Variants in PKNOX1 observed in about 807,000 individuals in gnomAD.
The protein encoded by PKNOX1 is PBX/knotted 1 homeobox 1, also known as homeobox protein PKNOX1.
PKNOX1 carries 15 observed loss-of-function variants against 51.9 expected under a neutral mutation model. The observed-to-expected ratio is 0.29, with a 90% CI of 0.19 to 0.45. The LOEUF is 0.45. Ranked by LOEUF, PKNOX1 falls within the 20% of genes least tolerant of loss-of-function variation. The pLI is 1.00. For missense variants in PKNOX1, 462 were observed against 547.5 expected (o/e 0.84, Z 1.56); for synonymous variants, 219 against 211.1 (o/e 1.04, Z -0.32).
At chr21:42,987,404 A>AAAAAAAAAAATATATATATATATAT in intron 1 of PKNOX1, among the ~76,000 whole-genome samples, 1 of 41,408 alleles carries the variant, frequency 2.4e-5, no homozygotes, top group Non-Finnish European at 4.8e-5. Context: ...AAAAAAAAAA[A>AAAAAAAAAAATATATATATATATAT]ATATATATAT....
intron 1 of PKNOX1, among the ~76,000 whole-genome samples, chr21:42,993,649 TGTTTTTTTTG>T (rs1471413925): frequency 9.1e-5 from 2 of 22,038 alleles, no homozygotes; most frequent in Admixed American, 3.1e-4. Context: ...TTACCCACTT[TGTTTTTTTTG>T]TTTTTTTTTT....
At chr21:42,999,913 C>T (rs1156338485) in intron 1 of PKNOX1, among the ~76,000 whole-genome samples, 1 of 152,134 alleles carries the variant, frequency 6.6e-6, no homozygotes, top group Non-Finnish European at 1.5e-5. Flanking sequence ...AAATTTCTTC[C>T]ACCAGATACC....
chr21:42,992,698 C>A (rs912636491), intron 1 of PKNOX1, among the ~76,000 whole-genome samples: 3 of 151,900 alleles, frequency 2.0e-5, no homozygotes, highest in African/African-American at 7.3e-5. Flanking sequence ...GGCTTCTTCA[C>A]AGATTAGAGG....
At chr21:42,975,419 T>G (rs1276348623) in intron 1 of PKNOX1, among the ~76,000 whole-genome samples, 1 of 151,904 alleles carries the variant, frequency 6.6e-6, no homozygotes, top group African/African-American at 2.4e-5. Context: ...TCCCGGGAAT[T>G]GGTGGGAAGA....
At chr21:43,016,815 T>A in intron 5 of PKNOX1, 93 bp from the exon 6 acceptor site, 1 of 745,072 alleles carries the variant, frequency 1.3e-6, no homozygotes, top group Non-Finnish European at 2.1e-6. Context: ...CTTTCCTTTT[T>A]TAATGGTGTC....
intron 3 of PKNOX1, 68 bp downstream of exon 3, chr21:43,007,686 G>A (rs553815712): frequency 2.6e-6 from 4 of 1,553,324 alleles, no homozygotes; most frequent in African/African-American, 1.4e-5. Flanking sequence ...TTGTTAAAAG[G>A]AACACCAGAA....
At chr21:43,004,705 T>C (rs1414620247) in intron 2 of PKNOX1, among the ~76,000 whole-genome samples, 2 of 152,242 alleles carry the variant, frequency 1.3e-5, no homozygotes, top group African/African-American at 2.4e-5. Context: ...TAATTAGCAC[T>C]GTTACTTTGA....
At chr21:43,020,818 C>T (rs766531157) in intron 7 of PKNOX1, among the ~76,000 whole-genome samples, 3 of 152,230 alleles carry the variant, frequency 2.0e-5, no homozygotes, top group Non-Finnish European at 4.4e-5. Context: ...GAGAGGACCA[C>T]GGCATTCCTG....
chr21:43,028,257 C>T (rs1332649687), intron 9 of PKNOX1, among the ~76,000 whole-genome samples: 2 of 152,186 alleles, frequency 1.3e-5, no homozygotes, highest in East Asian at 1.9e-4. Context: ...GGCTCGGCCC[C>T]GTTGGTGATC....
In PKNOX1 at chr21:43,033,405, A is replaced by G. The variant is rs538273860; in HGVS notation, c.*3304A>G. The G allele has an allele frequency of 6.6e-6, 1 of 152,210 alleles. No homozygotes were observed. The highest frequency in any genetic ancestry group is 6.6e-5 in the Admixed American group (1 of 15,216). 9.4% of individuals were successfully genotyped at this position (152,210 alleles called of 1,614,324 possible). The stretch of plus-strand genomic sequence containing the variant: ...TTGTGAAGGCCCATTCCTGGCACTT[A>G]GAGACAGAAAGAACTCAGCAATCTT... On this transcript the variant is annotated 3_prime_UTR_variant, in exon 11 of 11. Transcript: ENST00000291547.
At chr21:43,007,867 C>T (rs1979066783) in intron 3 of PKNOX1, among the ~76,000 whole-genome samples, 1 of 151,874 alleles carries the variant, frequency 6.6e-6, no homozygotes, top group African/African-American at 2.4e-5. Context: ...AGTTTGAGAC[C>T]AGCCTGGCCA....
rs575940895 is a variant in PKNOX1, at chr21:42,993,310, G to A, written c.-56-11016G>A. On this transcript the variant is annotated intron_variant, in intron 1 of 10. Coordinates refer to ENST00000291547, the MANE Select transcript of PKNOX1 (RefSeq NM_004571.5). ...CAAAACGCTGACTGAACGAATGTCC[G>A]TCTCGCCTCCACAGGGCCTACATCA... Among the ~76,000 whole-genome samples the A allele has an allele frequency of 7.9e-5, 12 of 152,160 alleles. No homozygotes were observed. The South Asian group carries it at 1.0e-3, about 13-fold the overall frequency.
At chr21:43,005,976 G>A (rs1978971367) in intron 2 of PKNOX1, among the ~76,000 whole-genome samples, 1 of 152,112 alleles carries the variant, frequency 6.6e-6, no homozygotes, top group African/African-American at 2.4e-5. Flanking sequence ...AATAAACATT[G>A]AAATATATCT....
chr21:43,008,857 A>G (rs1253896499), intron 3 of PKNOX1, among the ~76,000 whole-genome samples: 1 of 152,192 alleles, frequency 6.6e-6, no homozygotes, highest in Non-Finnish European at 1.5e-5. Flanking sequence ...GCATATGTAT[A>G]CCTAACACAA....
In PKNOX1 at chr21:42,977,679, C is replaced by T. The variant is rs7509946; in HGVS notation, c.-57+3015C>T. Among the ~76,000 whole-genome samples the T allele has an allele frequency of 5.0e-3, 748 of 150,836 alleles. 4 individuals carry two copies. The highest frequency in any genetic ancestry group is 0.017 in the African/African-American group (709 of 41,098). On this transcript the variant is annotated intron_variant, in intron 1 of 10. Transcript: ENST00000291547. ...TCTCCTGCCTCAGCCTCCGTAGTAG[C>T]TGGGAGTACAGGCAGCTGCCACCAC...
intron 1 of PKNOX1, among the ~76,000 whole-genome samples, chr21:42,975,287 T>G (rs1601258865): frequency 6.8e-6 from 1 of 146,084 alleles, no homozygotes; most frequent in Non-Finnish European, 1.5e-5. Flanking sequence ...TGGGTCGGGG[T>G]CCTGGGGGCG....
At chr21:42,984,333 A>C (rs1011359938) in intron 1 of PKNOX1, among the ~76,000 whole-genome samples, 1 of 152,180 alleles carries the variant, frequency 6.6e-6, no homozygotes, top group African/African-American at 2.4e-5. Context: ...TATAATCCAC[A>C]CATTTCTCGT....
At chr21:42,995,050 T>C (rs1298451065) in intron 1 of PKNOX1, among the ~76,000 whole-genome samples, 2 of 151,812 alleles carry the variant, frequency 1.3e-5, no homozygotes. Flanking sequence ...GCCTCCCCAG[T>C]AGCTGGGATT....
intron 7 of PKNOX1, among the ~76,000 whole-genome samples, chr21:43,019,246 A>G (rs1417759833): frequency 6.7e-6 from 1 of 148,558 alleles, no homozygotes; most frequent in Non-Finnish European, 1.5e-5. Context: ...TGCAAAAATT[A>G]GCTGGATGTC....
Sources: allele counts gnomAD v4.1 joint callset (sites outside exome capture counted in the v4.1 genomes callset), GRCh38; gene constraint gnomAD v4.1.1; transcripts MANE v1.5; gene names NCBI Gene and HGNC (gene_info 2026-07-23, HGNC 2026-07-21).